The following RBFOX1 variants were observed in gnomAD, a reference collection of about 807,000 sequenced individuals.
RBFOX1 encodes RNA binding fox-1 homolog 1, also known as RNA binding protein fox-1 homolog 1.
In RBFOX1, 8 loss-of-function variants were observed where a neutral mutation model predicts 57.7. That is an observed-to-expected ratio of 0.14 (90% CI 0.08 to 0.25). The LOEUF is 0.25. RBFOX1 is among the 10% of genes least tolerant of loss of function. RBFOX1 has a pLI of 1.00. For synonymous variants in RBFOX1, 326 were observed against 222.4 expected (o/e 1.47, Z -4.15); for missense variants, 611 against 548.5 (o/e 1.11, Z -1.14).
chr16:5,542,550 T>C (rs9889144), intron 2 of RBFOX1, among the ~76,000 whole-genome samples: 6,894 of 151,878 alleles, frequency 0.045, 540 homozygotes, highest in African/African-American at 0.16. Context: ...AACCACCGCA[T>C]CCAGCCATAG....
At chr16:6,916,539 C>T (rs1231006254) in intron 3 of RBFOX1, among the ~76,000 whole-genome samples, 1 of 151,540 alleles carries the variant, frequency 6.6e-6, no homozygotes, top group East Asian at 1.9e-4. Context: ...CCATTAGTGG[C>T]ACAGATACCA....
intron 3 of RBFOX1, among the ~76,000 whole-genome samples, chr16:5,622,638 G>T (rs1328982209): frequency 6.6e-6 from 1 of 152,218 alleles, no homozygotes; most frequent in Non-Finnish European, 1.5e-5. Context: ...ATGCCTGTGG[G>T]TTTTAAATAA....
rs186216149 is a variant in RBFOX1 at position 7,128,844 on chromosome 16, C to T, written c.27+76746C>T. ...TTTTTTTTTTTTTTTTTTTTTAAGACGGAGTCTCACTTTGTCGCCAGGCTG... is the reference window on the plus strand; with the variant it reads ...TTTTTTTTTTTTTTTTTTTTTAAGATGGAGTCTCACTTTGTCGCCAGGCTG... On this transcript the variant is annotated intron_variant, in intron 4 of 15. Coordinates refer to ENST00000550418, the MANE Select transcript of RBFOX1 (RefSeq NM_018723.4). 5.6e-4 allele frequency among the ~76,000 whole-genome samples: 72 copies of T among 127,660 alleles called. No individual in the cohort carries two copies. In the East Asian group the frequency reaches 8.0e-3, roughly 14 times the overall value. 83.7% of individuals were successfully genotyped at this position (127,660 alleles called of 152,430 possible).
chr16:7,187,235 T>C (rs528336982), intron 4 of RBFOX1, among the ~76,000 whole-genome samples: 2 of 152,146 alleles, frequency 1.3e-5, no homozygotes, highest in African/African-American at 2.4e-5. Flanking sequence ...AAATCATATG[T>C]AAGAAGAGTA....
intron 3 of RBFOX1, among the ~76,000 whole-genome samples, chr16:5,747,279 A>G (rs1489198050): frequency 6.6e-6 from 1 of 152,150 alleles, no homozygotes; most frequent in Admixed American, 6.6e-5. Flanking sequence ...TGCTGGATTC[A>G]GTTTGCCAGT....
At chr16:6,784,845 G>T (rs1165000811) in intron 3 of RBFOX1, among the ~76,000 whole-genome samples, 2 of 152,050 alleles carry the variant, frequency 1.3e-5, no homozygotes, top group Non-Finnish European at 2.9e-5. Context: ...AGAAAAATGA[G>T]TAGAAGTTGA....
At chr16:6,660,957 G>C (rs1389178442) in intron 3 of RBFOX1, among the ~76,000 whole-genome samples, 2 of 151,856 alleles carry the variant, frequency 1.3e-5, no homozygotes, top group Non-Finnish European at 2.9e-5. Flanking sequence ...AAATGCACCT[G>C]CCTGCCAAGT....
chr16:7,553,491 A>G (rs1361856246), intron 5 of RBFOX1, among the ~76,000 whole-genome samples: 1 of 152,246 alleles, frequency 6.6e-6, no homozygotes, highest in African/African-American at 2.4e-5. Context: ...AAGATCTTCC[A>G]TAACAATTAA....
At chr16:5,372,680 G>C (rs950789387) in intron 1 of RBFOX1, among the ~76,000 whole-genome samples, 2 of 152,188 alleles carry the variant, frequency 1.3e-5, no homozygotes, top group Non-Finnish European at 2.9e-5. Context: ...GGCTTTGCAA[G>C]GAGCTGTTTC....
intron 3 of RBFOX1, among the ~76,000 whole-genome samples, chr16:6,803,487 G>T (rs931525605): frequency 6.6e-6 from 1 of 152,122 alleles, no homozygotes; most frequent in African/African-American, 2.4e-5. Flanking sequence ...GAAATTTTTA[G>T]CTCCCCAGTG....
chr16:7,276,477 TTC>T (rs1247475184), intron 4 of RBFOX1, among the ~76,000 whole-genome samples: 4 of 152,186 alleles, frequency 2.6e-5, no homozygotes, highest in African/African-American at 9.7e-5. Flanking sequence ...TTCCTCTATA[TTC>T]TCTCTTTTTA....
chr16:7,510,487 C>CTGTGTGTGTGTGTGTG (rs59583874), intron 4 of RBFOX1, among the ~76,000 whole-genome samples: 15 of 149,570 alleles, frequency 1.0e-4, no homozygotes, highest in African/African-American at 3.4e-4. Context: ...GTATGTGTGT[C>CTGTGTGTGTGTGTGTG]TGTGTGTGTG....
chr16:7,105,910 G>A (rs1017056771), intron 4 of RBFOX1, among the ~76,000 whole-genome samples: 15 of 152,056 alleles, frequency 9.9e-5, no homozygotes, highest in Middle Eastern at 3.2e-3. Context: ...AGAGGTATAC[G>A]TAGACAATAG....
intron 1 of RBFOX1, among the ~76,000 whole-genome samples, chr16:5,280,814 C>A (rs28819751): frequency 4.7e-5 from 7 of 149,350 alleles, no homozygotes; most frequent in Admixed American, 1.3e-4. Flanking sequence ...TTATTTGGGT[C>A]TCCTTTCTTT....
intron 3 of RBFOX1, among the ~76,000 whole-genome samples, chr16:5,727,029 C>T (rs562600965): frequency 6.6e-6 from 1 of 152,094 alleles, no homozygotes; most frequent in Non-Finnish European, 1.5e-5. Flanking sequence ...GAGGCTGGGG[C>T]GGGTGGATTA....
intron 3 of RBFOX1, among the ~76,000 whole-genome samples, chr16:5,772,623 G>A (rs927814228): frequency 1.3e-5 from 2 of 152,236 alleles, no homozygotes; most frequent in African/African-American, 4.8e-5. Context: ...GAGTTGAAAG[G>A]ATGGTGGCGG....
intron 4 of RBFOX1, among the ~76,000 whole-genome samples, chr16:5,962,764 G>A (rs2152289710): frequency 6.6e-6 from 1 of 151,438 alleles, no homozygotes; most frequent in East Asian, 1.9e-4. Flanking sequence ...ATTAGGAATT[G>A]GGTCATTCGC....
At chr16:7,253,119 C>G (rs2094552614) in intron 4 of RBFOX1, among the ~76,000 whole-genome samples, 1 of 152,152 alleles carries the variant, frequency 6.6e-6, no homozygotes, top group East Asian at 1.9e-4. Context: ...ATATCTAGGT[C>G]AATCTGTTTG....
chr16:6,497,012 T>C (rs1204237809), intron 2 of RBFOX1, among the ~76,000 whole-genome samples: 1 of 152,180 alleles, frequency 6.6e-6, no homozygotes, highest in Non-Finnish European at 1.5e-5. Context: ...TGCCAAGTAC[T>C]ACGAGAGGCA....
Sources: gnomAD v4.1 joint callset for allele counts (sites outside exome capture counted in the v4.1 genomes callset) on GRCh38, gnomAD v4.1.1 for gene constraint, MANE v1.5 for transcripts, NCBI Gene and HGNC (gene_info 2026-07-23, HGNC 2026-07-21) for gene names.